Variants in DENND1A observed in about 807,000 individuals in gnomAD.
DENND1A encodes DENN domain-containing protein 1A.
DENND1A carries 51 observed loss-of-function variants against 113.7 expected under a neutral mutation model. The observed-to-expected ratio is 0.45, with a 90% CI of 0.36 to 0.57. DENND1A has a LOEUF of 0.57. Among genes scored for constraint, DENND1A ranks in the 20% least tolerant of loss-of-function variants. The pLI, the probability that DENND1A is intolerant of heterozygous loss-of-function variation, is 0.00. For synonymous variants in DENND1A, 565 were observed against 570.8 expected, an observed-to-expected ratio of 0.99 and a Z score of 0.14; for missense variants, 1,258 against 1,395.9, an observed-to-expected ratio of 0.90 and a Z score of 1.57.
At chr9:123,815,314 G>A (rs139854783) in intron 2 of DENND1A, among the ~76,000 whole-genome samples, 6 of 152,288 alleles carry the variant, frequency 3.9e-5, no homozygotes, top group African/African-American at 1.2e-4. Context: ...ACCAGCAGAC[G>A]AAATATTCCT....
chr9:123,565,524 G>A (rs924520497), intron 12 of DENND1A, among the ~76,000 whole-genome samples: 10 of 152,212 alleles, frequency 6.6e-5, no homozygotes, highest in African/African-American at 2.4e-4. Flanking sequence ...AGCAGGTGTG[G>A]AGGGGCAACA....
At chr9:123,887,892 T>C (rs1418573493) in intron 1 of DENND1A, among the ~76,000 whole-genome samples, 1 of 152,156 alleles carries the variant, frequency 6.6e-6, no homozygotes, top group Non-Finnish European at 1.5e-5. Context: ...CAAAGTTGGA[T>C]TTGAAATGCA....
At chr9:123,541,883 G>A (rs1210579889) in intron 13 of DENND1A, among the ~76,000 whole-genome samples, 1 of 152,188 alleles carries the variant, frequency 6.6e-6, no homozygotes, top group African/African-American at 2.4e-5. Context: ...GGAGGAGGGA[G>A]GGCTTCCCAA....
At chr9:123,737,944 T>C (rs1297612415) in intron 5 of DENND1A, among the ~76,000 whole-genome samples, 2 of 152,132 alleles carry the variant, frequency 1.3e-5, no homozygotes, top group African/African-American at 2.4e-5. Context: ...TCTGGGAAAT[T>C]TATATGAGAA....
At chr9:123,414,370 C>A (rs2131599736) in intron 19 of DENND1A, 2 of 1,427,218 alleles carry the variant, frequency 1.4e-6, no homozygotes, top group Middle Eastern at 5.1e-4. Context: ...AGTCCATCGC[C>A]TACATTTGTT....
At chr9:123,752,655 G>A (rs141631969) in intron 5 of DENND1A, among the ~76,000 whole-genome samples, 11 of 152,260 alleles carry the variant, frequency 7.2e-5, no homozygotes, top group Admixed American at 4.6e-4. Flanking sequence ...GCTAGAAATC[G>A]CATCTTTCAT....
Position 123,382,213 on chromosome 9 carries a change from G to A in DENND1A, c.2432C>T (p.Pro811Leu). ...TDRDRRAALS[P>L]GLLPGVVPQG... ...GGGGACAACACCAGGCAGGAGCCCT[G>A]GACTCAGGGCAGCTCGCCTGTCCCG... is the stretch of plus-strand genomic sequence containing the variant. Residue 811 changes from proline to leucine, a missense_variant, in exon 24 of 24, where the codon CCA becomes CTA. By Grantham distance (98) the Pro-to-Leu change is moderately conservative. Transcript: ENST00000394215. The A allele has an allele frequency of 6.2e-7, 1 of 1,609,722 alleles. No individual in the cohort carries two copies. Among genetic ancestry groups the A allele is most frequent in the Non-Finnish European group, 8.5e-7 (1 of 1,179,580 alleles).
intron 9 of DENND1A, among the ~76,000 whole-genome samples, chr9:123,641,942 A>C (rs1475369226): frequency 6.6e-6 from 1 of 152,198 alleles, no homozygotes; most frequent in Non-Finnish European, 1.5e-5. Context: ...TAATCCATGG[A>C]TCAGAACTGG....
chr9:123,714,412 G>C (rs2066836758), intron 5 of DENND1A, among the ~76,000 whole-genome samples: 1 of 152,106 alleles, frequency 6.6e-6, no homozygotes, highest in African/African-American at 2.4e-5. Flanking sequence ...GACCGGCCTG[G>C]CCAACATGGT....
intron 2 of DENND1A, among the ~76,000 whole-genome samples, chr9:123,804,663 T>C (rs577030377): frequency 2.2e-4 from 33 of 152,180 alleles, no homozygotes; most frequent in Non-Finnish European, 4.3e-4. Context: ...ATTTAACATA[T>C]CCAAAATGGA....
At chr9:123,388,778 C>T (rs759528004) in intron 21 of DENND1A, among the ~76,000 whole-genome samples, 6 of 152,060 alleles carry the variant, frequency 3.9e-5, no homozygotes, top group East Asian at 3.9e-4. Context: ...TCAGCAGGGG[C>T]GAGCTGGACC....
intron 2 of DENND1A, among the ~76,000 whole-genome samples, chr9:123,818,063 A>C (rs921248396): frequency 6.6e-6 from 1 of 152,052 alleles, no homozygotes; most frequent in Non-Finnish European, 1.5e-5. Flanking sequence ...AGAAAATGCA[A>C]ATAAATGTGT....
chr9:123,676,036 G>C lies in DENND1A; in HGVS notation c.372+684C>G, dbSNP rs931053702. On this transcript the variant is annotated intron_variant, in intron 6 of 23. Coordinates refer to ENST00000394215, the MANE Select transcript of DENND1A (RefSeq NM_001352964.2). ...AAGGTACATGACAAAATGCTATGCAGCCATGAAAAATATTTATAACATTTT... is the reference window on the plus strand; with the variant it reads ...AAGGTACATGACAAAATGCTATGCACCCATGAAAAATATTTATAACATTTT... Among the ~76,000 whole-genome samples the C allele has an allele frequency of 9.9e-5, 15 of 152,154 alleles. 1 individual carries two copies. Among genetic ancestry groups the C allele is most frequent in the Admixed American group, 9.8e-4 (15 of 15,284 alleles).
intron 7 of DENND1A, among the ~76,000 whole-genome samples, chr9:123,669,686 A>C (rs2063667493): frequency 6.6e-6 from 1 of 152,228 alleles, no homozygotes; most frequent in African/African-American, 2.4e-5. Flanking sequence ...CTTAGGAAAA[A>C]GGACAGAGAC....
intron 2 of DENND1A, among the ~76,000 whole-genome samples, chr9:123,813,245 A>T (rs1733110169): frequency 6.6e-6 from 1 of 152,186 alleles, no homozygotes; most frequent in Non-Finnish European, 1.5e-5. Context: ...TACAGGTGTG[A>T]GCCACTGTAT....
chr9:123,571,190 T>C (rs2058339327), intron 12 of DENND1A, among the ~76,000 whole-genome samples: 1 of 152,196 alleles, frequency 6.6e-6, no homozygotes, highest in Non-Finnish European at 1.5e-5. Flanking sequence ...AGTAACCCTT[T>C]GCTCATGTAC....
chr9:123,748,857 T>C (rs1402912073), intron 5 of DENND1A, among the ~76,000 whole-genome samples: 1 of 152,222 alleles, frequency 6.6e-6, no homozygotes, highest in Non-Finnish European at 1.5e-5. Context: ...GGGTCCCTCA[T>C]GTCGAATTCT....
chr9:123,396,693 C>A (rs1201733503), intron 21 of DENND1A, among the ~76,000 whole-genome samples: 5 of 152,168 alleles, frequency 3.3e-5, no homozygotes, highest in African/African-American at 1.2e-4. Flanking sequence ...ATCAGACACT[C>A]CAATTCCTAG....
At chr9:123,721,608 G>A (rs1186050358) in intron 5 of DENND1A, among the ~76,000 whole-genome samples, 1 of 152,218 alleles carries the variant, frequency 6.6e-6, no homozygotes, top group Non-Finnish European at 1.5e-5. Flanking sequence ...AACCCTGTGG[G>A]AGGTGATCAA....
Sources: gnomAD v4.1 joint callset for allele counts (sites outside exome capture counted in the v4.1 genomes callset) on GRCh38, gnomAD v4.1.1 for gene constraint, MANE v1.5 for transcripts, NCBI Gene and HGNC (gene_info 2026-07-23, HGNC 2026-07-21) for gene names.